The following ACACA variants were observed in gnomAD, a reference collection of about 807,000 sequenced individuals.
ACACA encodes acetyl-CoA carboxylase alpha.
Under a neutral mutation model 296.1 loss-of-function variants are expected in ACACA, and 103 were observed. That is an observed-to-expected ratio of 0.35 (90% CI 0.30 to 0.41). ACACA has a LOEUF of 0.41. Ranked by LOEUF, ACACA falls within the 10% of genes least tolerant of loss-of-function variation. The pLI is 1.00. For synonymous variants in ACACA, 953 were observed against 1,038.6 expected, an observed-to-expected ratio of 0.92 and a Z score of 1.58; for missense variants, 1,554 against 2,989.7, an observed-to-expected ratio of 0.52 and a Z score of 11.20.
intron 50 of ACACA, among the ~76,000 whole-genome samples, chr17:37,119,191 C>G (rs144348867): frequency 1.3e-5 from 2 of 152,160 alleles, no homozygotes; most frequent in Non-Finnish European, 2.9e-5. Flanking sequence ...TCAGGCCCCC[C>G]TTCCCTTTGA....
At chr17:37,312,971 G>A (rs967794789) in intron 3 of ACACA, among the ~76,000 whole-genome samples, 2 of 152,128 alleles carry the variant, frequency 1.3e-5, no homozygotes, top group Non-Finnish European at 2.9e-5. Context: ...GGATATCCTG[G>A]AACCCAAATT....
chr17:37,244,438 G>A (rs2080588222), intron 21 of ACACA, 150 bp downstream of exon 21: 1 of 854,066 alleles, frequency 1.2e-6, no homozygotes, highest in Admixed American at 2.0e-5. Context: ...TGGATTTAAA[G>A]ACCTCAAGTC....
At chr17:37,129,224 G>A (rs1186347336) in intron 47 of ACACA, 141 bp downstream of exon 47, 8 of 1,152,016 alleles carry the variant, frequency 6.9e-6, no homozygotes, top group African/African-American at 4.6e-5. Flanking sequence ...TCAGAGGGCT[G>A]GTTTTCAGGT....
chr17:37,316,302 T>TACACAC (rs10533479), intron 3 of ACACA, among the ~76,000 whole-genome samples: 6,468 of 142,544 alleles, frequency 0.045, 177 homozygotes, highest in African/African-American at 0.074. Context: ...TACCCTTACA[T>TACACAC]ACACACACAC....
At chr17:37,342,512 A>G (rs1597653549) in intron 1 of ACACA, among the ~76,000 whole-genome samples, 1 of 145,808 alleles carries the variant, frequency 6.9e-6, no homozygotes, top group East Asian at 2.0e-4. Flanking sequence ...ATACATATAT[A>G]TATCCTATAT....
In ACACA at chr17:37,224,986, AT is replaced by A; in HGVS notation, c.3474+5del. ...AAGGGTTATATATATATATATATAT[AT>A]ATACCTGCAGGTTCTCAATGCAAAA... On this transcript the variant is annotated splice_donor_5th_base_variant and intron_variant, in intron 27 of 55. Coordinates refer to ENST00000616317, the MANE Select transcript of ACACA (RefSeq NM_198834.3). The A allele has an allele frequency of 1.5e-6, 2 of 1,346,024 alleles. No individual in the cohort carries two copies. The highest frequency in any genetic ancestry group is 2.1e-6 in the Non-Finnish European group (2 of 939,032). The allele number at this position is 1,346,024 out of a possible 1,614,324, so 83.4% of individuals were successfully genotyped here. A position where few individuals can be genotyped will look rare whatever the true frequency, so the allele number is the denominator to read the frequency against.
At chr17:37,371,727 C>A (rs1374664242) in intron 1 of ACACA, among the ~76,000 whole-genome samples, 2 of 151,484 alleles carry the variant, frequency 1.3e-5, no homozygotes, top group African/African-American at 4.9e-5. Flanking sequence ...TGGTGAAACC[C>A]CGTCTCTACT....
At chr17:37,231,269 G>A (rs2079848699) in intron 25 of ACACA, among the ~76,000 whole-genome samples, 2 of 147,486 alleles carry the variant, frequency 1.4e-5, no homozygotes, top group African/African-American at 5.0e-5. Flanking sequence ...ACTGACAGAA[G>A]AAACCAACAT....
intron 10 of ACACA, among the ~76,000 whole-genome samples, chr17:37,269,046 T>TAAA (rs35990848): frequency 1.7e-5 from 2 of 121,178 alleles, no homozygotes; most frequent in African/African-American, 2.9e-5. Context: ...GAAAAAAATG[T>TAAA]AAAAAAAAAA....
chr17:37,379,479 G>A, intron 1 of ACACA: 1 of 1,417,216 alleles, frequency 7.1e-7, no homozygotes, highest in Non-Finnish European at 9.5e-7. Context: ...ACAAGAAAAT[G>A]AATTATCCAC....
At chr17:37,305,475 T>C (rs751716868) in intron 3 of ACACA, among the ~76,000 whole-genome samples, 12 of 152,238 alleles carry the variant, frequency 7.9e-5, no homozygotes, top group Admixed American at 1.3e-4. Context: ...CTAGAAAGGC[T>C]TTTATCCTCT....
At chr17:37,327,785 G>C (rs1039131202) in intron 3 of ACACA, among the ~76,000 whole-genome samples, 5 of 152,162 alleles carry the variant, frequency 3.3e-5, no homozygotes, top group Non-Finnish European at 7.4e-5. Context: ...GGGGCACTAC[G>C]ACATTTTGAG....
chr17:37,314,001 T>C (rs62069557), intron 3 of ACACA, among the ~76,000 whole-genome samples: 8,063 of 151,802 alleles, frequency 0.053, 314 homozygotes, highest in Non-Finnish European at 0.076. Flanking sequence ...TGTAATAAAA[T>C]AGAGAGTATA....
chr17:37,089,011 C>T lies in ACACA; in HGVS notation c.6955G>A (p.Asp2319Asn), dbSNP rs765817896. 1.9e-6 allele frequency: 3 copies of T among 1,614,178 alleles called. No homozygotes were observed. Among genetic ancestry groups the T allele is most frequent in the Non-Finnish European group, 2.5e-6 (3 of 1,180,022 alleles). ...EWLEKQLTEE[D>N]GVHSVIEENI... The stretch of plus-strand genomic sequence containing the variant: ...TCCTCTATTACCGAGTGAACACCAT[C>T]CTCCTCTGTCAGCTGTTTCTCTAGC... Residue 2319 changes from aspartate (D) to asparagine (N), a missense_variant, in exon 55 of 56, where the codon GAT (aspartate) becomes AAT (asparagine). Physicochemically the swap from Asp to Asn is conservative, Grantham distance 23. Coordinates refer to ENST00000616317, the MANE Select transcript of ACACA (RefSeq NM_198834.3).
chr17:37,262,548 T>C (rs1308776657), intron 11 of ACACA, among the ~76,000 whole-genome samples: 3 of 152,138 alleles, frequency 2.0e-5, no homozygotes, highest in Non-Finnish European at 4.4e-5. Flanking sequence ...TCTACCATTG[T>C]AGTGATAAAG....
chr17:37,247,031 G>C, intron 18 of ACACA, 55 bp from the exon 19 acceptor site: 1 of 1,593,928 alleles, frequency 6.3e-7, no homozygotes. Context: ...ATGTAAAGGA[G>C]AATGGTAGAG....
intron 45 of ACACA, among the ~76,000 whole-genome samples, chr17:37,142,489 A>G (rs192949888): frequency 1.3e-5 from 2 of 152,388 alleles, no homozygotes; most frequent in Non-Finnish European, 1.5e-5. Flanking sequence ...CCATTGTGCA[A>G]TAATTTCTGA....
At chr17:37,381,832 T>C (rs1052121228) in intron 1 of ACACA, among the ~76,000 whole-genome samples, 8 of 151,770 alleles carry the variant, frequency 5.3e-5, no homozygotes. Context: ...TTTCACCGTG[T>C]TGGCCAGGAT....
At chr17:37,306,731 G>C (rs1193167189) in intron 3 of ACACA, among the ~76,000 whole-genome samples, 1 of 151,110 alleles carries the variant, frequency 6.6e-6, no homozygotes, top group African/African-American at 2.4e-5. Flanking sequence ...GTCTTGCTCT[G>C]TCACCCAGGC....
Sources: allele counts gnomAD v4.1 joint callset (sites outside exome capture counted in the v4.1 genomes callset), GRCh38; gene constraint gnomAD v4.1.1; transcripts MANE v1.5; gene names NCBI Gene and HGNC (gene_info 2026-07-23, HGNC 2026-07-21).